Variants in HECW2 observed in about 807,000 individuals in gnomAD.
HECW2 encodes E3 ubiquitin-protein ligase HECW2.
HECW2 carries 61 observed loss-of-function variants against 175.2 expected under a neutral mutation model. That is an observed-to-expected ratio of 0.35 (90% CI 0.28 to 0.43). HECW2 has a LOEUF of 0.43. Ranked by LOEUF, HECW2 falls within the 20% of genes least tolerant of loss-of-function variation. The pLI, the probability that HECW2 is intolerant of heterozygous loss-of-function variation, is 1.00. For synonymous variants in HECW2, 671 were observed against 731.0 expected (o/e 0.92, Z 1.32); for missense variants, 1,524 against 2,000.5 (o/e 0.76, Z 4.54).
intron 2 of HECW2, among the ~76,000 whole-genome samples, chr2:196,363,206 C>T (rs1173877548): frequency 6.6e-6 from 1 of 151,960 alleles, no homozygotes; most frequent in African/African-American, 2.4e-5. Context: ...TCCTAGCAAA[C>T]AACAATAATA....
intron 1 of HECW2, among the ~76,000 whole-genome samples, chr2:196,471,229 TA>T (rs925024243): frequency 6.6e-6 from 1 of 152,188 alleles, no homozygotes; most frequent in Admixed American, 6.5e-5. Flanking sequence ...ACAACATCAC[TA>T]ATCAATAGAT....
intron 2 of HECW2, among the ~76,000 whole-genome samples, chr2:196,379,467 C>T (rs543538641): frequency 9.9e-5 from 15 of 152,110 alleles, no homozygotes; most frequent in Middle Eastern, 6.8e-3. Context: ...GGGTGGATCA[C>T]GAGGTCAGGA....
At chr2:196,377,657 G>C (rs1212808465) in intron 2 of HECW2, among the ~76,000 whole-genome samples, 1 of 152,222 alleles carries the variant, frequency 6.6e-6, no homozygotes, top group Non-Finnish European at 1.5e-5. Context: ...TTCAAGATGA[G>C]ATTTGGGTGG....
Position 196,317,660 on chromosome 2 carries a change from C to T in HECW2, c.2339-291G>A, listed in dbSNP as rs111590924. On this transcript the variant is annotated intron_variant, in intron 9 of 28. Coordinates refer to ENST00000644978, the MANE Select transcript of HECW2 (RefSeq NM_001348768.2). ...GTCATGCGCTAATGCTTTAGGGTCA[C>T]ATGGTGGCTACAATATAATGAAGGA... Among the ~76,000 whole-genome samples the T allele has an allele frequency of 1.3e-3, 201 of 150,282 alleles. 1 individual carries two copies. Among genetic ancestry groups the T allele is most frequent in the African/African-American group, 4.3e-3 (175 of 40,722 alleles).
chr2:196,366,853 C>T (rs1693758270), intron 2 of HECW2, among the ~76,000 whole-genome samples: 1 of 152,142 alleles, frequency 6.6e-6, no homozygotes, highest in Non-Finnish European at 1.5e-5. Context: ...GGTTCTTCAG[C>T]TATGTTATTT....
chr2:196,338,767 A>C (rs1398193399), intron 3 of HECW2, among the ~76,000 whole-genome samples: 2 of 152,262 alleles, frequency 1.3e-5, no homozygotes, highest in African/African-American at 4.8e-5. Context: ...TTTACTTAAA[A>C]GGTAGAATAA....
chr2:196,384,479 G>A (rs955227349), intron 2 of HECW2, among the ~76,000 whole-genome samples: 1 of 152,092 alleles, frequency 6.6e-6, no homozygotes, highest in African/African-American at 2.4e-5. Flanking sequence ...ATACTCATGA[G>A]GCTGAAGTGG....
intron 13 of HECW2, among the ~76,000 whole-genome samples, chr2:196,294,826 C>T (rs778920820): frequency 6.6e-5 from 10 of 152,198 alleles, no homozygotes; most frequent in Non-Finnish European, 1.5e-4. Context: ...GCCTGGCTCT[C>T]TGGGTCCCTG....
At chr2:196,306,937 A>T (rs139860418) in intron 12 of HECW2, among the ~76,000 whole-genome samples, 193 bp downstream of exon 12, 3 of 152,260 alleles carry the variant, frequency 2.0e-5, no homozygotes, top group African/African-American at 7.2e-5. Context: ...GGGTTTTGTG[A>T]TTCCTTTCTT....
chr2:196,277,670 T>C (rs1249761458), intron 15 of HECW2, among the ~76,000 whole-genome samples: 2 of 152,146 alleles, frequency 1.3e-5, no homozygotes, highest in Non-Finnish European at 2.9e-5. Context: ...TAAAGACACA[T>C]GCACACGTAT....
intron 1 of HECW2, among the ~76,000 whole-genome samples, chr2:196,550,378 T>C (rs961263076): frequency 3.9e-5 from 6 of 152,184 alleles, no homozygotes; most frequent in African/African-American, 7.2e-5. Context: ...GGAAGTTGTT[T>C]TCCCTGTCAT....
At chr2:196,303,942 C>T (rs1691165304) in intron 13 of HECW2, among the ~76,000 whole-genome samples, 1 of 152,068 alleles carries the variant, frequency 6.6e-6, no homozygotes, top group Non-Finnish European at 1.5e-5. Context: ...GTCTCTACTG[C>T]TAACTGCGTT....
chr2:196,523,132 T>TTTGTATCCATTTGG (rs1203170422), intron 1 of HECW2, among the ~76,000 whole-genome samples: 5 of 152,154 alleles, frequency 3.3e-5, no homozygotes, highest in Admixed American at 3.3e-4. Flanking sequence ...CTTCCATTTG[T>TTTGTATCCATTTGG]TTGTATCCTC....
At chr2:196,314,486 A>G (rs1036783965) in intron 10 of HECW2, among the ~76,000 whole-genome samples, 1 of 152,200 alleles carries the variant, frequency 6.6e-6, no homozygotes, top group African/African-American at 2.4e-5. Context: ...TACCTGATAG[A>G]GGAGAGGGAA....
intron 22 of HECW2, among the ~76,000 whole-genome samples, chr2:196,226,936 T>C (rs1687872074): frequency 6.6e-6 from 1 of 152,238 alleles, no homozygotes; most frequent in African/African-American, 2.4e-5. Flanking sequence ...CTGGATTTGC[T>C]GCCTGAGATG....
intron 1 of HECW2, among the ~76,000 whole-genome samples, chr2:196,466,290 G>C (rs1405956212): frequency 6.6e-6 from 1 of 152,204 alleles, no homozygotes; most frequent in Non-Finnish European, 1.5e-5. Flanking sequence ...TGAGACCTCA[G>C]GTTGTTGGCT....
At chr2:196,540,923 A>G (rs923379393) in intron 1 of HECW2, among the ~76,000 whole-genome samples, 3 of 152,238 alleles carry the variant, frequency 2.0e-5, no homozygotes, top group Non-Finnish European at 4.4e-5. Flanking sequence ...GGAACTAGAA[A>G]GAAAAAACAA....
intron 13 of HECW2, among the ~76,000 whole-genome samples, chr2:196,303,125 C>T (rs532967909): frequency 6.0e-4 from 91 of 152,180 alleles, no homozygotes; most frequent in Non-Finnish European, 9.9e-4. Flanking sequence ...TAACATGAAG[C>T]GATGTTGAAT....
At chr2:196,425,461 G>T (rs557785963) in intron 2 of HECW2, among the ~76,000 whole-genome samples, 1 of 152,218 alleles carries the variant, frequency 6.6e-6, no homozygotes, top group African/African-American at 2.4e-5. Context: ...CCTTCTGGAA[G>T]GGATTCACCA....
Sources: allele counts gnomAD v4.1 joint callset (sites outside exome capture counted in the v4.1 genomes callset), GRCh38; gene constraint gnomAD v4.1.1; transcripts MANE v1.5; gene names NCBI Gene and HGNC (gene_info 2026-07-23, HGNC 2026-07-21).